The following SEMA3E variants were observed in gnomAD, a reference collection of about 807,000 sequenced individuals.
SEMA3E encodes the protein semaphorin-3E.
A neutral mutation model predicts 93.6 loss-of-function variants in SEMA3E; 49 were observed. The ratio of observed to expected loss-of-function variants is 0.52; its 90% CI spans 0.42 to 0.66. SEMA3E has a LOEUF of 0.66. Among genes scored for constraint, SEMA3E ranks in the 30% least tolerant of loss-of-function variants. The probability of loss-of-function intolerance (pLI) is 0.00; values close to 1 mark genes in which losing one functional copy is unlikely to be tolerated. For synonymous variants in SEMA3E, 363 were observed against 330.7 expected (o/e 1.10, Z -1.06); for missense variants, 906 against 964.8 (o/e 0.94, Z 0.81).
intron 16 of SEMA3E, among the ~76,000 whole-genome samples, chr7:83,380,839 GAGAGA>G (rs1397784157): frequency 2.0e-5 from 3 of 151,930 alleles, no homozygotes; most frequent in Non-Finnish European, 4.4e-5. Flanking sequence ...CAGTTGAACA[GAGAGA>G]AGAGAACAGA....
intron 1 of SEMA3E, among the ~76,000 whole-genome samples, chr7:83,604,346 T>C (rs1793058446): frequency 6.6e-6 from 1 of 151,876 alleles, no homozygotes; most frequent in Non-Finnish European, 1.5e-5. Context: ...AGTACTTGAA[T>C]GTTAAAAGTC....
chr7:83,368,312 G>A lies in SEMA3E; in HGVS notation c.1876-274C>T, dbSNP rs113176536. On this transcript the variant is annotated intron_variant, in intron 16 of 16. Transcript: ENST00000643230. Reference sequence around the variant, plus strand: ...GATCATTTTATATCAATACTGTAAAGTAAGAGGGTTTTCTCCCTAATGATT... The same window carrying A: ...GATCATTTTATATCAATACTGTAAAATAAGAGGGTTTTCTCCCTAATGATT... Among the ~76,000 whole-genome samples, 1,640 of 147,706 alleles carry A rather than the reference G, an allele frequency of 0.011. 28 individuals carry two copies. Among genetic ancestry groups the A allele is most frequent in the African/African-American group, 0.042 (1,580 of 37,336 alleles).
At chr7:83,569,866 A>T (rs1427079936) in intron 1 of SEMA3E, among the ~76,000 whole-genome samples, 2 of 152,172 alleles carry the variant, frequency 1.3e-5, no homozygotes, top group African/African-American at 2.4e-5. Flanking sequence ...TGCTTGACAC[A>T]CTGGACCTAA....
At chr7:83,382,165 G>A (rs1303432770) in intron 16 of SEMA3E, among the ~76,000 whole-genome samples, 1 of 151,998 alleles carries the variant, frequency 6.6e-6, no homozygotes, top group Non-Finnish European at 1.5e-5. Flanking sequence ...AGAAGATTTT[G>A]TGTTTTAGTA....
At chr7:83,378,435 C>G (rs1029275423) in intron 16 of SEMA3E, among the ~76,000 whole-genome samples, 5 of 151,798 alleles carry the variant, frequency 3.3e-5, no homozygotes, top group African/African-American at 1.2e-4. Context: ...CACCTTTTTA[C>G]TAAAAAGAAA....
intron 4 of SEMA3E, among the ~76,000 whole-genome samples, chr7:83,425,305 T>C (rs1204627181): frequency 6.6e-6 from 1 of 152,230 alleles, no homozygotes; most frequent in African/African-American, 2.4e-5. Flanking sequence ...ACTATTGTTC[T>C]ATTTTCTTCA....
At chr7:83,372,276 C>T in intron 16 of SEMA3E, 2 of 397,876 alleles carry the variant, frequency 5.0e-6, no homozygotes, top group Non-Finnish European at 8.9e-6. Context: ...CGTCTTAGGA[C>T]ATTGCCTTTA....
chr7:83,560,402 A>C (rs1324898874), intron 1 of SEMA3E, among the ~76,000 whole-genome samples: 1 of 152,078 alleles, frequency 6.6e-6, no homozygotes, highest in Admixed American at 6.6e-5. Flanking sequence ...CAGTTGTTTT[A>C]TAAAAACATA....
chr7:83,522,220 T>C (rs1449413670), intron 1 of SEMA3E, among the ~76,000 whole-genome samples: 2 of 152,090 alleles, frequency 1.3e-5, no homozygotes, highest in Non-Finnish European at 2.9e-5. Flanking sequence ...TTGCTTTCCT[T>C]TGTTTCTTTC....
At chr7:83,423,248 C>T (rs1412486329) in intron 4 of SEMA3E, among the ~76,000 whole-genome samples, 2 of 152,076 alleles carry the variant, frequency 1.3e-5, no homozygotes, top group East Asian at 3.9e-4. Context: ...ATAAAAATCT[C>T]AAGTTTGACA....
chr7:83,365,901 T>A lies in SEMA3E; in HGVS notation c.*1685A>T, dbSNP rs550596389. ...CTGAATATAGTTTTTAAAAATACAT[T>A]TCACTACATAGTCTTTTCAGTTATT... On this transcript the variant is annotated 3_prime_UTR_variant, in exon 17 of 17. Transcript: ENST00000643230. The A allele has an allele frequency of 2.0e-5, 3 of 152,284 alleles. No individual in the cohort carries two copies. The highest frequency in any genetic ancestry group is 4.4e-5 in the Non-Finnish European group (3 of 67,992). The allele number at this position is 152,284 out of a possible 1,614,324, so 9.4% of individuals were successfully genotyped here.
intron 1 of SEMA3E, among the ~76,000 whole-genome samples, chr7:83,567,808 C>T (rs533656516): frequency 6.6e-6 from 1 of 151,484 alleles, no homozygotes; most frequent in Non-Finnish European, 1.5e-5. Context: ...AAAAGTACAA[C>T]GATTTTGAAT....
chr7:83,546,075 A>G (rs868511887), intron 1 of SEMA3E, among the ~76,000 whole-genome samples: 15 of 148,204 alleles, frequency 1.0e-4, no homozygotes, highest in Admixed American at 3.4e-4. Context: ...TCCCACGATG[A>G]CAAGTATTAT....
chr7:83,390,871 C>A (rs1361053036), intron 14 of SEMA3E, among the ~76,000 whole-genome samples: 1 of 152,096 alleles, frequency 6.6e-6, no homozygotes, highest in East Asian at 1.9e-4. Context: ...TATTAACAAG[C>A]TTAAGGCTGG....
At chr7:83,567,638 C>T (rs188703363) in intron 1 of SEMA3E, among the ~76,000 whole-genome samples, 4 of 152,108 alleles carry the variant, frequency 2.6e-5, no homozygotes, top group South Asian at 2.1e-4. Context: ...GGAAATTAAA[C>T]GACATGCTCC....
intron 1 of SEMA3E, among the ~76,000 whole-genome samples, chr7:83,537,969 C>CATATGG (rs1791439307): frequency 6.6e-6 from 1 of 152,084 alleles, no homozygotes; most frequent in African/African-American, 2.4e-5. Context: ...TCAATAGAAT[C>CATATGG]ATATGGTATG....
intron 13 of SEMA3E, 74 bp from the exon 14 acceptor site, chr7:83,392,795 AT>A: frequency 7.4e-7 from 1 of 1,348,698 alleles, no homozygotes; most frequent in South Asian, 1.2e-5. Context: ...TAGTTTTCAC[AT>A]TTATACACAA....
At chr7:83,512,829 G>A (rs553033984) in intron 1 of SEMA3E, among the ~76,000 whole-genome samples, 2 of 152,184 alleles carry the variant, frequency 1.3e-5, no homozygotes, top group African/African-American at 4.8e-5. Context: ...TACTATCAAT[G>A]TAATTTTAAA....
Position 83,648,846 on chromosome 7 carries a change from G to T in SEMA3E, c.-304C>A. On this transcript the variant is annotated 5_prime_UTR_variant, in exon 1 of 17. An upstream open reading frame in the 5' UTR gains an earlier in-frame stop. Transcript: ENST00000643230. The stretch of plus-strand genomic sequence containing the variant: ...ACGCCGGTAGATTCAGGAAGAAGCT[G>T]TATTTTTCAGTCACTTGGGCAAAGC... 9 of 221,960 alleles carry T rather than the reference G, an allele frequency of 4.1e-5. No homozygotes were observed. Among genetic ancestry groups the T allele is most frequent in the Non-Finnish European group, 6.2e-5 (7 of 113,154 alleles). 13.7% of individuals were successfully genotyped at this position (221,960 alleles called of 1,614,324 possible).
Sources: allele counts gnomAD v4.1 joint callset (sites outside exome capture counted in the v4.1 genomes callset), GRCh38; gene constraint gnomAD v4.1.1; transcripts MANE v1.5; gene names NCBI Gene and HGNC (gene_info 2026-07-23, HGNC 2026-07-21).